The following PNRC1 variants were observed in gnomAD, a reference collection of about 807,000 sequenced individuals.
PNRC1 encodes the protein proline-rich nuclear receptor coactivator 1.
PNRC1 carries 6 observed loss-of-function variants against 20.2 expected under a neutral mutation model. The ratio of observed to expected loss-of-function variants is 0.30; its 90% CI spans 0.16 to 0.59. The LOEUF is 0.59. Among genes scored for constraint, PNRC1 ranks in the 20% least tolerant of loss-of-function variants. PNRC1 has a pLI of 0.89. For missense variants in PNRC1, 488 were observed against 430.2 expected, an observed-to-expected ratio of 1.13 and a Z score of -1.19; for synonymous variants, 202 against 186.9, an observed-to-expected ratio of 1.08 and a Z score of -0.66.
chr6:89,083,277 G>A (rs1582237591), intron 1 of PNRC1, among the ~76,000 whole-genome samples: 1 of 152,358 alleles, frequency 6.6e-6, no homozygotes, highest in East Asian at 1.9e-4. Flanking sequence ...TTACAGGCGT[G>A]AGCCACCATG....
Position 89,081,714 on chromosome 6 carries a change from G to C in PNRC1, c.540+280G>C, listed in dbSNP as rs1014056292. 8.9e-5 allele frequency: 22 copies of C among 246,102 alleles called. No individual in the cohort carries two copies. The East Asian group carries it at 1.8e-3, about 20-fold the overall frequency. 15.2% of individuals were successfully genotyped at this position (246,102 alleles called of 1,614,324 possible). On this transcript the variant is annotated intron_variant, in intron 1 of 1. Transcript: ENST00000336032. ...AGCAACAGCCCCGATTTAGAAGGCT[G>C]GCGGCGTTCCAGGGGGTTTCGGCGT...
Position 89,080,934 on chromosome 6 carries a change from C to T in PNRC1, c.40C>T (p.Leu14=). The T allele has an allele frequency of 6.2e-7, 1 of 1,613,068 alleles. No homozygotes were observed. The highest frequency in any genetic ancestry group is 1.1e-5 in the South Asian group (1 of 91,092). Residue 14 remains leucine, a synonymous_variant, in exon 1 of 2, where the codon CTG becomes TTG. Transcript: ENST00000336032. ...CGTCCCGCAGCGGGAGCCGCTCGTC[C>T]TGGGTGGCCGCCTTGCGCCGCTTGG... ...VSVPQREPLV[L]GGRLAPLGFS...
At position 89,084,000 on chromosome 6, in the gene PNRC1, A is replaced by G; in HGVS notation, c.788A>G (p.His263Arg). Residue 263 changes from histidine (H) to arginine (R), a missense_variant, in exon 2 of 2, where the codon CAT (histidine) becomes CGT (arginine). Physicochemically the swap from His to Arg is conservative, Grantham distance 29. Coordinates refer to ENST00000336032, the MANE Select transcript of PNRC1 (RefSeq NM_006813.3). ...FKNTENIKNS[H>R]LKKSAFLTEV... ...AATACCGAGAACATTAAAAATTCGC[A>G]TTTGAAGAAATCAGCATTTCTAACT... 4.3e-6 allele frequency: 7 copies of G among 1,614,000 alleles called. No homozygotes were observed. The highest frequency in any genetic ancestry group is 2.2e-5 in the East Asian group (1 of 44,878).
chr6:89,083,007 T>TG (rs1004541162), intron 1 of PNRC1, among the ~76,000 whole-genome samples: 7 of 151,408 alleles, frequency 4.6e-5, no homozygotes, highest in Admixed American at 3.3e-4. Context: ...TTTTTGTTGT[T>TG]TTTTTTTTCT....
In PNRC1 at chr6:89,083,657, C is replaced by T. The variant is rs981617836; in HGVS notation, c.541-96C>T. 19 of 917,224 alleles carry T rather than the reference C, an allele frequency of 2.1e-5. No homozygotes were observed. In the Admixed American group the frequency reaches 4.4e-4, roughly 21 times the overall value. The allele number at this position is 917,224 out of a possible 1,614,324, so 56.8% of individuals were successfully genotyped here. On this transcript the variant is annotated intron_variant, in intron 1 of 1. Coordinates refer to ENST00000336032, the MANE Select transcript of PNRC1 (RefSeq NM_006813.3). ...TTTTGTTCTTTTCTATGGCTGTGGG[C>T]AAACTTAAACACAACAAAACTAGAT... is the stretch of plus-strand genomic sequence containing the variant.
In PNRC1 at chr6:89,081,386, T is replaced by C. The variant is rs1309514860; in HGVS notation, c.492T>C (p.Leu164=). The change falls in exon 1 of 2, where the codon CTT becomes CTC. Residue 164 remains leucine, a synonymous_variant. Transcript: ENST00000336032. The part of the protein sequence containing the change: ...AAGTEGASPD[L]APLRPAAPGQ... ...GCACGGAGGGAGCCAGCCCCGACCT[T>C]GCCCCGCTGCGGCCCGCGGCTCCCG... 2.2e-6 allele frequency: 3 copies of C among 1,364,800 alleles called. No homozygotes were observed. The highest frequency in any genetic ancestry group is 2.8e-6 in the Non-Finnish European group (3 of 1,067,764). The allele number at this position is 1,364,800 out of a possible 1,614,324, so 84.5% of individuals were successfully genotyped here.
intron 1 of PNRC1, 58 bp from the exon 2 acceptor site, chr6:89,083,695 G>A (rs549439553): frequency 9.3e-6 from 12 of 1,290,024 alleles, no homozygotes; most frequent in Admixed American, 2.4e-5. Flanking sequence ...GTGATATGAG[G>A]TTCATAACTG....
intron 1 of PNRC1, among the ~76,000 whole-genome samples, chr6:89,083,379 A>T (rs1355897755): frequency 6.6e-6 from 1 of 152,170 alleles, no homozygotes; most frequent in East Asian, 1.9e-4. Context: ...CGTGATGCTG[A>T]GGTTTGGAGT....
intron 1 of PNRC1, chr6:89,081,911 C>T (rs550519142): frequency 1.4e-3 from 206 of 152,540 alleles, no homozygotes; most frequent in Non-Finnish European, 1.3e-3. Flanking sequence ...AGCCCCAGTC[C>T]TAGTCGGTGA....
In PNRC1 at chr6:89,080,971, G is replaced by C; in HGVS notation, c.77G>C (p.Arg26Pro). 1 of 1,613,316 alleles carries C rather than the reference G, an allele frequency of 6.2e-7. No homozygotes were observed. The highest frequency in any genetic ancestry group is 1.1e-5 in the South Asian group (1 of 91,082). ...CTTGCGCCGCTTGGCTTTTCCTCCC[G>C]AGGTTACTTTGGGGCCCTCCCGATG... is the stretch of plus-strand genomic sequence containing the variant. ...GRLAPLGFSS[R>P]GYFGALPMVT... The change falls in exon 1 of 2, where the codon CGA (arginine) becomes CCA (proline). Residue 26 changes from arginine to proline, a missense_variant. Coordinates refer to ENST00000336032, the MANE Select transcript of PNRC1 (RefSeq NM_006813.3).
At chr6:89,081,505 C>T (rs1767993128) in intron 1 of PNRC1, 71 bp downstream of exon 1, 11 of 553,560 alleles carry the variant, frequency 2.0e-5, no homozygotes, top group Non-Finnish European at 2.5e-5. Context: ...GGGCTGCAGA[C>T]CCTGCACCCG....
intron 1 of PNRC1, among the ~76,000 whole-genome samples, chr6:89,083,378 G>A (rs573444920): frequency 6.6e-6 from 1 of 152,320 alleles, no homozygotes; most frequent in South Asian, 2.1e-4. Flanking sequence ...TCGTGATGCT[G>A]AGGTTTGGAG....
chr6:89,082,048 G>A (rs528620901), intron 1 of PNRC1: 1 of 152,464 alleles, frequency 6.6e-6, no homozygotes, highest in African/African-American at 2.4e-5. Flanking sequence ...TCCAGTTGGG[G>A]CTCTGCCCGC....
At position 89,083,880 on chromosome 6, in the gene PNRC1, C is replaced by T; in HGVS notation, c.668C>T (p.Thr223Ile). 1.2e-6 allele frequency: 2 copies of T among 1,614,072 alleles called. No individual in the cohort carries two copies. Among genetic ancestry groups the T allele is most frequent in the Non-Finnish European group, 1.7e-6 (2 of 1,179,982 alleles). Reference protein sequence around the residue: ...RQKSKYNLPLTKITSAKRNEN... With the variant: ...RQKSKYNLPLIKITSAKRNEN... Reference sequence around the variant, plus strand: ...AAAAGCAAATATAACTTGCCACTAACCAAGATCACCTCTGCAAAAAGAAAT... The same window carrying T: ...AAAAGCAAATATAACTTGCCACTAATCAAGATCACCTCTGCAAAAAGAAAT... The change falls in exon 2 of 2, where the codon ACC (threonine) becomes ATC (isoleucine). Residue 223 changes from threonine to isoleucine, a missense_variant. Transcript: ENST00000336032.
rs2231277 is a variant in PNRC1, at chr6:89,083,967, C to T, written c.755C>T (p.Pro252Leu). Residue 252 changes from proline (P) to leucine (L), a missense_variant, in exon 2 of 2, where the codon CCT (proline) becomes CTT (leucine). Physicochemically the swap from Pro to Leu is moderately conservative, Grantham distance 98. Transcript: ENST00000336032. The part of the protein sequence containing the change: ...SDRIQKQEKK[P>L]FKNTENIKNS... Reference sequence around the variant, plus strand: ...AGAATTCAGAAGCAGGAAAAAAAGCCTTTTAAAAATACCGAGAACATTAAA... The same window carrying T: ...AGAATTCAGAAGCAGGAAAAAAAGCTTTTTAAAAATACCGAGAACATTAAA... The T allele has an allele frequency of 9.9e-4, 1,600 of 1,613,810 alleles. 14 individuals are homozygous for T. In the African/African-American group the frequency reaches 0.019, roughly 19 times the overall value.
At position 89,085,048 on chromosome 6, in the gene PNRC1, C is replaced by G. The variant is rs78917993; in HGVS notation, c.*852C>G. 6.6e-6 allele frequency: 1 copy of G among 152,158 alleles called. No individual in the cohort carries two copies. Among genetic ancestry groups the G allele is most frequent in the East Asian group, 1.9e-4 (1 of 5,202 alleles). The allele number at this position is 152,158 out of a possible 1,614,324, so 9.4% of individuals were successfully genotyped here. A position where few individuals can be genotyped will look rare whatever the true frequency, so the allele number is the denominator to read the frequency against. Reference sequence around the variant, plus strand: ...TCTAGAGGCTGAGACGGGAGCATCTCTTGAGCCTGAGAAGTGGAGATTGCA... The same window carrying G: ...TCTAGAGGCTGAGACGGGAGCATCTGTTGAGCCTGAGAAGTGGAGATTGCA... On this transcript the variant is annotated 3_prime_UTR_variant, in exon 2 of 2. Coordinates refer to ENST00000336032, the MANE Select transcript of PNRC1 (RefSeq NM_006813.3).
At chr6:89,082,081 G>A (rs1027929177) in intron 1 of PNRC1, 1 of 152,346 alleles carries the variant, frequency 6.6e-6, no homozygotes, top group Non-Finnish European at 1.5e-5. Flanking sequence ...CTACTTAGTG[G>A]TTCCAAGTTA....
chr6:89,081,213 G>A lies in PNRC1; in HGVS notation c.319G>A (p.Ala107Thr). 6.4e-7 allele frequency: 1 copy of A among 1,559,506 alleles called. No individual in the cohort carries two copies. Among genetic ancestry groups the A allele is most frequent in the Non-Finnish European group, 8.6e-7 (1 of 1,161,146 alleles). The change falls in exon 1 of 2, where the codon GCA becomes ACA. Residue 107 changes from alanine (A) to threonine (T), a missense_variant. Transcript: ENST00000336032. ...AAAGAAGAAGGTGCGGGCCAGCCCCGCAGGGCAGCTGCCCAGCCGCTTCCA... is the reference window on the plus strand; with the variant it reads ...AAAGAAGAAGGTGCGGGCCAGCCCCACAGGGCAGCTGCCCAGCCGCTTCCA... ...RRKKKVRASP[A>T]GQLPSRFHQY...
chr6:89,084,313 G>T lies in PNRC1; in HGVS notation c.*117G>T. 1.6e-6 allele frequency: 1 copy of T among 643,026 alleles called. No homozygotes were observed. Among genetic ancestry groups the T allele is most frequent in the South Asian group, 2.3e-5 (1 of 43,112 alleles). 39.8% of individuals were successfully genotyped at this position (643,026 alleles called of 1,614,324 possible). ...TGCAACATACAATTGCAAAAGATGAGTTTAAAAAATTACATACAAACAGCT... is the reference window on the plus strand; with the variant it reads ...TGCAACATACAATTGCAAAAGATGATTTTAAAAAATTACATACAAACAGCT... On this transcript the variant is annotated 3_prime_UTR_variant, in exon 2 of 2. Coordinates refer to ENST00000336032, the MANE Select transcript of PNRC1 (RefSeq NM_006813.3).
Sources: allele counts gnomAD v4.1 joint callset (sites outside exome capture counted in the v4.1 genomes callset), GRCh38; gene constraint gnomAD v4.1.1; transcripts MANE v1.5; gene names NCBI Gene and HGNC (gene_info 2026-07-23, HGNC 2026-07-21).